TAF3: variants seen among roughly 807,000 people sequenced by gnomAD.
TAF3 encodes the protein transcription initiation factor TFIID subunit 3.
A neutral mutation model predicts 80.6 loss-of-function variants in TAF3; 7 were observed. The observed-to-expected ratio is 0.09, with a 90% CI of 0.05 to 0.16. The LOEUF (loss-of-function observed/expected upper bound fraction) is 0.16. Ranked by LOEUF, TAF3 falls within the 10% of genes least tolerant of loss-of-function variation. The pLI is 1.00. For synonymous variants in TAF3, 444 were observed against 446.1 expected, an observed-to-expected ratio of 1.00 and a Z score of 0.06; for missense variants, 921 against 1,140.2, an observed-to-expected ratio of 0.81 and a Z score of 2.77.
rs1316821464 is a variant in TAF3 at position 8,009,218 on chromosome 10, C to T, written c.2456C>T (p.Ala819Val). The change falls in exon 5 of 7, where the codon GCC (alanine) becomes GTC (valine). Residue 819 changes from alanine to valine, a missense_variant. Physicochemically the swap from Ala to Val is moderately conservative, Grantham distance 64. Coordinates refer to ENST00000344293, the MANE Select transcript of TAF3 (RefSeq NM_031923.4). This position sits in a 1 kb window ranked among gnomAD's most constrained non-coding sequence, Gnocchi z 4.1. ...SPAPVPLPLLAQAAAGPALLP... is the reference protein window; with the variant it reads ...SPAPVPLPLLVQAAAGPALLP... ...GCGCCCGTGCCGCTGCCGCTGCTCG[C>T]CCAGGCCGCCGCGGGCCCTGCCCTG... The T allele has an allele frequency of 7.6e-6, 11 of 1,455,108 alleles. No individual in the cohort carries two copies. Among genetic ancestry groups the T allele is most frequent in the East Asian group, 3.1e-5 (1 of 31,880 alleles). 90.1% of individuals were successfully genotyped at this position (1,455,108 alleles called of 1,614,324 possible).
chr10:7,928,830 G>A (rs1218421140), intron 2 of TAF3, among the ~76,000 whole-genome samples: 6 of 152,052 alleles, frequency 3.9e-5, no homozygotes, highest in Admixed American at 3.9e-4. Context: ...CTGAAATACC[G>A]AGACTTCTTG....
At chr10:7,905,443 G>T (rs1257478123) in intron 2 of TAF3, among the ~76,000 whole-genome samples, 4 of 152,094 alleles carry the variant, frequency 2.6e-5, no homozygotes, top group East Asian at 1.9e-4. Flanking sequence ...AGTAATTATT[G>T]CTATTCAACT....
chr10:7,988,752 G>GAAAAAAAAAA (rs56395044), intron 4 of TAF3, among the ~76,000 whole-genome samples: 5,366 of 92,376 alleles, frequency 0.058, 222 homozygotes, highest in Non-Finnish European at 0.068. Flanking sequence ...CTGTCTCTCA[G>GAAAAAAAAAA]AAAAAAAAAA....
intron 1 of TAF3, among the ~76,000 whole-genome samples, 165 bp from the exon 2 acceptor site, chr10:7,824,153 A>G (rs1210267134): frequency 6.6e-6 from 1 of 152,194 alleles, no homozygotes; most frequent in East Asian, 1.9e-4. Context: ...ATCAGCTTAA[A>G]CATGATTCTG....
intron 2 of TAF3, among the ~76,000 whole-genome samples, chr10:7,829,819 C>A (rs979921136): frequency 6.6e-6 from 1 of 152,238 alleles, no homozygotes; most frequent in East Asian, 1.9e-4. Context: ...GGGAGTTATG[C>A]GTCCCGCTTT....
At chr10:7,851,543 A>G (rs1410796990) in intron 2 of TAF3, among the ~76,000 whole-genome samples, 1 of 152,190 alleles carries the variant, frequency 6.6e-6, no homozygotes, top group Admixed American at 6.5e-5. Context: ...TCAAGCATGT[A>G]AAAGTAAACA....
intron 4 of TAF3, among the ~76,000 whole-genome samples, chr10:7,985,341 G>A (rs951156074): frequency 3.9e-5 from 6 of 152,132 alleles, no homozygotes; most frequent in Admixed American, 2.6e-4. Context: ...TACCTTGCCT[G>A]CCCCGGCTGG....
intron 2 of TAF3, among the ~76,000 whole-genome samples, chr10:7,840,717 T>G (rs1836904113): frequency 6.6e-6 from 1 of 152,222 alleles, no homozygotes; most frequent in South Asian, 2.1e-4. Flanking sequence ...ACTTTTGCTG[T>G]AAGTTAGGAC....
chr10:7,885,249 GACACACAC>G (rs71385678), intron 2 of TAF3, among the ~76,000 whole-genome samples: 6 of 148,604 alleles, frequency 4.0e-5, no homozygotes, highest in Non-Finnish European at 7.5e-5. Context: ...TATAAATTTT[GACACACAC>G]ACACACACAC....
chr10:7,863,957 A>C (rs1410702288), intron 2 of TAF3, among the ~76,000 whole-genome samples: 3 of 152,010 alleles, frequency 2.0e-5, no homozygotes, highest in Non-Finnish European at 4.4e-5. Context: ...TTTTAGATTC[A>C]TAGCAAAATT....
intron 5 of TAF3, among the ~76,000 whole-genome samples, chr10:8,013,331 T>G (rs1361801605): frequency 2.0e-5 from 3 of 152,148 alleles, no homozygotes; most frequent in Non-Finnish European, 4.4e-5. Context: ...ACATATAAAG[T>G]GGAGCTCTAT....
intron 3 of TAF3, among the ~76,000 whole-genome samples, chr10:7,974,018 C>T (rs1457507153): frequency 6.6e-6 from 1 of 151,938 alleles, no homozygotes; most frequent in Non-Finnish European, 1.5e-5. Flanking sequence ...ATCCCAGCTA[C>T]TCGGGAGGCT....
At chr10:7,894,453 C>T (rs1404508216) in intron 2 of TAF3, among the ~76,000 whole-genome samples, 1 of 152,194 alleles carries the variant, frequency 6.6e-6, no homozygotes, top group Non-Finnish European at 1.5e-5. Flanking sequence ...GTATCCATGT[C>T]TTCATCCTAG....
intron 2 of TAF3, among the ~76,000 whole-genome samples, chr10:7,847,843 C>G (rs1025453926): frequency 6.6e-6 from 1 of 152,220 alleles, no homozygotes; most frequent in Non-Finnish European, 1.5e-5. Context: ...TCTGGGCCCA[C>G]CGCAACCTCC....
At chr10:8,011,339 G>A (rs188680471) in intron 5 of TAF3, among the ~76,000 whole-genome samples, 52 of 151,944 alleles carry the variant, frequency 3.4e-4, no homozygotes, top group Non-Finnish European at 6.5e-4. Flanking sequence ...CTGCAGCCTC[G>A]ACCTCCTGGG....
chr10:7,837,259 A>C (rs147792844), intron 2 of TAF3, among the ~76,000 whole-genome samples: 4,299 of 150,726 alleles, frequency 0.029, 88 homozygotes, highest in South Asian at 0.086. Context: ...GCTACTCGGG[A>C]GGCTGAGGCA....
At chr10:7,895,316 T>C (rs1190179904) in intron 2 of TAF3, among the ~76,000 whole-genome samples, 1 of 152,242 alleles carries the variant, frequency 6.6e-6, no homozygotes, top group African/African-American at 2.4e-5. Context: ...CTTTGCTGTA[T>C]CTGTACAGCA....
chr10:7,868,600 C>T (rs1837237337), intron 2 of TAF3, among the ~76,000 whole-genome samples: 1 of 152,196 alleles, frequency 6.6e-6, no homozygotes, highest in Admixed American at 6.5e-5. Flanking sequence ...CTGTTAGTAG[C>T]CATGTTCTAT....
chr10:7,883,840 T>C (rs1163378307), intron 2 of TAF3, among the ~76,000 whole-genome samples: 4 of 152,224 alleles, frequency 2.6e-5, no homozygotes, highest in African/African-American at 9.6e-5. Flanking sequence ...TTATCTCTTA[T>C]GGTTATGGCA....
Sources: allele counts gnomAD v4.1 joint callset (sites outside exome capture counted in the v4.1 genomes callset), GRCh38; gene constraint gnomAD v4.1.1; non-coding constraint Gnocchi (gnomAD v3.1); transcripts MANE v1.5; gene names NCBI Gene and HGNC (gene_info 2026-07-23, HGNC 2026-07-21).